The following TASP1 variants were observed in gnomAD, a reference collection of about 807,000 sequenced individuals.
TASP1 encodes the protein taspase 1, also known as threonine aspartase 1.
TASP1 carries 16 observed loss-of-function variants against 56.6 expected under a neutral mutation model. That is an observed-to-expected ratio of 0.28 (90% CI 0.19 to 0.43). The LOEUF is 0.43. Ranked by LOEUF, TASP1 falls within the 20% of genes least tolerant of loss-of-function variation. The probability of loss-of-function intolerance (pLI) is 1.00; values close to 1 mark genes in which losing one functional copy is unlikely to be tolerated. For missense variants in TASP1, 393 were observed against 511.6 expected (o/e 0.77, Z 2.24); for synonymous variants, 179 against 184.2 (o/e 0.97, Z 0.23).
chr20:13,135,159 G>A, the TASP1 span, among the ~76,000 whole-genome samples: 1 of 152,164 alleles, frequency 6.6e-6, no homozygotes, highest in African/African-American at 2.4e-5. Context: ...GATAAATAGG[G>A]TAGCATTTAT....
intron 7 of TASP1, 61 bp downstream of exon 7, chr20:13,569,446 C>T: frequency 7.7e-7 from 1 of 1,292,236 alleles, no homozygotes; most frequent in Non-Finnish European, 1.1e-6. Context: ...ATAACAGAAG[C>T]AATATTATAC....
chr20:13,624,062 AC>A (rs1274331515), intron 3 of TASP1, among the ~76,000 whole-genome samples: 1 of 152,208 alleles, frequency 6.6e-6, no homozygotes, highest in Non-Finnish European at 1.5e-5. Flanking sequence ...AACTACACAG[AC>A]TAAAGGTCTA....
At chr20:13,456,409 T>C (rs191225900) in intron 11 of TASP1, among the ~76,000 whole-genome samples, 1 of 152,244 alleles carries the variant, frequency 6.6e-6, no homozygotes, top group Admixed American at 6.5e-5. Context: ...GGAAAATCAT[T>C]AGCCCTCCAC....
chr20:13,151,715 A>C, the TASP1 span, among the ~76,000 whole-genome samples: 2 of 152,214 alleles, frequency 1.3e-5, no homozygotes, highest in East Asian at 3.8e-4. Context: ...AGCAAAGGAA[A>C]ACTTAAAGGA....
At chr20:13,435,782 T>G (rs1407742601) in intron 11 of TASP1, among the ~76,000 whole-genome samples, 1 of 152,172 alleles carries the variant, frequency 6.6e-6, no homozygotes, top group Admixed American at 6.6e-5. Flanking sequence ...CAAGGACATC[T>G]TCTTCAAACA....
chr20:13,564,881 T>C (rs929311827), intron 7 of TASP1, among the ~76,000 whole-genome samples: 13 of 151,658 alleles, frequency 8.6e-5, no homozygotes, highest in African/African-American at 2.7e-4. Flanking sequence ...TGGTGGGCAC[T>C]TGTAATCCCA....
chr20:13,365,337 C>A, the TASP1 span, among the ~76,000 whole-genome samples: 1 of 152,052 alleles, frequency 6.6e-6, no homozygotes, highest in Non-Finnish European at 1.5e-5. Context: ...TCTAGATTCA[C>A]GGAGCATATA....
chr20:13,354,125 G>A, the TASP1 span, among the ~76,000 whole-genome samples: 2 of 152,022 alleles, frequency 1.3e-5, no homozygotes, highest in Non-Finnish European at 2.9e-5. Context: ...AGAAAGCTTG[G>A]AAAATAAAGT....
chr20:13,562,978 G>A (rs1409637866), intron 7 of TASP1, among the ~76,000 whole-genome samples: 3 of 139,284 alleles, frequency 2.2e-5, no homozygotes, highest in Admixed American at 7.1e-5. Context: ...GTATGTATGT[G>A]TGTGTATATA....
intron 13 of TASP1, among the ~76,000 whole-genome samples, chr20:13,407,497 T>A (rs1260188778): frequency 6.6e-6 from 1 of 152,230 alleles, no homozygotes. Flanking sequence ...TTTGGATTGT[T>A]TCTTCTTTTT....
intron 4 of TASP1, among the ~76,000 whole-genome samples, chr20:13,601,647 C>T (rs1411757926): frequency 6.6e-6 from 1 of 152,046 alleles, no homozygotes; most frequent in Non-Finnish European, 1.5e-5. Context: ...GTGTGAGGTA[C>T]CTATACTGAC....
intron 11 of TASP1, among the ~76,000 whole-genome samples, chr20:13,456,423 A>G (rs2043839229): frequency 6.6e-6 from 1 of 152,086 alleles, no homozygotes; most frequent in Admixed American, 6.6e-5. Flanking sequence ...CCTCCACCAT[A>G]TAGTCCTGAT....
At chr20:13,114,937 T>C in the TASP1 span, among the ~76,000 whole-genome samples, 3 of 152,192 alleles carry the variant, frequency 2.0e-5, no homozygotes, top group East Asian at 5.8e-4. Context: ...AGAAAAGATA[T>C]AAAGGAATTA....
chr20:13,457,441 T>A (rs1342118558), intron 11 of TASP1, among the ~76,000 whole-genome samples: 1 of 152,110 alleles, frequency 6.6e-6, no homozygotes, highest in Non-Finnish European at 1.5e-5. Context: ...TTTTACTTTA[T>A]AGAATTTTTG....
chr20:13,608,410 C>T (rs1268094651), intron 4 of TASP1, among the ~76,000 whole-genome samples: 1 of 152,130 alleles, frequency 6.6e-6, no homozygotes, highest in African/African-American at 2.4e-5. Context: ...ATTAATTCAA[C>T]AAATATTTAT....
chr20:13,617,105 T>C (rs1370119408), intron 4 of TASP1: 1 of 455,302 alleles, frequency 2.2e-6, no homozygotes, highest in Admixed American at 2.4e-5. Flanking sequence ...CTCCATGAAG[T>C]GTAACTGTGT....
Position 13,595,916 on chromosome 20 carries a change from A to G in TASP1, c.283-8546T>C, listed in dbSNP as rs2047711387. ...AGAAGTCTCCACCCCAAATCAACAG[A>G]ATATACATTCTTCCCAGCACCACAC... is the stretch of plus-strand genomic sequence containing the variant. On this transcript the variant is annotated intron_variant, in intron 4 of 13. Transcript: ENST00000337743. Among the ~76,000 whole-genome samples, 3 of 152,290 alleles carry G rather than the reference A, an allele frequency of 2.0e-5. No homozygotes were observed. The South Asian group carries it at 6.2e-4, about 32-fold the overall frequency.
intron 13 of TASP1, among the ~76,000 whole-genome samples, chr20:13,395,955 C>T (rs915959024): frequency 6.6e-6 from 1 of 152,034 alleles, no homozygotes; most frequent in Middle Eastern, 3.4e-3. Context: ...CCTGCCTTGG[C>T]CTCCCAAAGT....
At chr20:13,181,507 C>T in the TASP1 span, among the ~76,000 whole-genome samples, 3 of 152,206 alleles carry the variant, frequency 2.0e-5, no homozygotes, top group African/African-American at 7.2e-5. Context: ...TTATAGGAGT[C>T]ACGAGAGCTT....
Sources: allele counts gnomAD v4.1 joint callset (sites outside exome capture counted in the v4.1 genomes callset), GRCh38; gene constraint gnomAD v4.1.1; transcripts MANE v1.5; gene names NCBI Gene and HGNC (gene_info 2026-07-23, HGNC 2026-07-21).